PPP2R5E: variants seen among roughly 807,000 people sequenced by gnomAD.
PPP2R5E encodes serine/threonine-protein phosphatase 2A 56 kDa regulatory subunit epsilon isoform.
Under a neutral mutation model 65.3 loss-of-function variants are expected in PPP2R5E, and 4 were observed. That is an observed-to-expected ratio of 0.06 (90% CI 0.03 to 0.14). PPP2R5E has a LOEUF of 0.14. PPP2R5E is among the 10% of genes least tolerant of loss of function. The probability of loss-of-function intolerance (pLI) is 1.00; values close to 1 mark genes in which losing one functional copy is unlikely to be tolerated. For missense variants in PPP2R5E, 274 were observed against 556.1 expected (o/e 0.49, Z 5.10); for synonymous variants, 183 against 187.4 (o/e 0.98, Z 0.19).
chr14:63,490,693 G>A (rs940140464), intron 2 of PPP2R5E, among the ~76,000 whole-genome samples: 3 of 152,026 alleles, frequency 2.0e-5, no homozygotes, highest in Middle Eastern at 3.4e-3. Flanking sequence ...AGATACCATC[G>A]CACACCAGTC....
chr14:63,408,854 G>A (rs949909318), intron 5 of PPP2R5E, among the ~76,000 whole-genome samples: 1 of 152,176 alleles, frequency 6.6e-6, no homozygotes, highest in Non-Finnish European at 1.5e-5. Context: ...CAGCACTTTG[G>A]GAGGCCAAGG....
At chr14:63,514,296 A>G (rs1457718107) in intron 2 of PPP2R5E, among the ~76,000 whole-genome samples, 1 of 152,180 alleles carries the variant, frequency 6.6e-6, no homozygotes, top group Non-Finnish European at 1.5e-5. Context: ...TCACAACTGA[A>G]AAGATTGATA....
At chr14:63,524,539 C>T (rs751173295) in intron 2 of PPP2R5E, among the ~76,000 whole-genome samples, 1 of 152,178 alleles carries the variant, frequency 6.6e-6, no homozygotes, top group Non-Finnish European at 1.5e-5. Context: ...TAGACTTGAA[C>T]CCAGACCCTT....
chr14:63,404,937 C>CACTACAAA (rs1885980539), intron 5 of PPP2R5E, among the ~76,000 whole-genome samples: 1 of 152,138 alleles, frequency 6.6e-6, no homozygotes, highest in South Asian at 2.1e-4. Flanking sequence ...TTTGTGGGGC[C>CACTACAAA]TAGTGCAAAA....
intron 12 of PPP2R5E, among the ~76,000 whole-genome samples, chr14:63,382,653 G>A (rs918735086): frequency 6.6e-6 from 1 of 151,704 alleles, no homozygotes; most frequent in South Asian, 2.1e-4. Flanking sequence ...TGCCTGCCTC[G>A]GCCTCCCAAA....
chr14:63,440,669 T>C (rs371562528), intron 3 of PPP2R5E, among the ~76,000 whole-genome samples: 2 of 151,612 alleles, frequency 1.3e-5, no homozygotes, highest in African/African-American at 2.4e-5. Context: ...CCGGGTGCAG[T>C]GGCTCACGCC....
rs1164271601 is a variant in PPP2R5E at position 63,422,172 on chromosome 14, AG to A, written c.355-79del. 8.9e-6 allele frequency: 10 copies of A among 1,120,424 alleles called. No individual in the cohort carries two copies. In the Admixed American group the frequency reaches 1.2e-4, roughly 14 times the overall value. 69.4% of individuals were successfully genotyped at this position (1,120,424 alleles called of 1,614,324 possible). A position where few individuals can be genotyped will look rare whatever the true frequency, so the allele number is the denominator to read the frequency against. ...ACACAAGGTCCTTGGAGCCAAGCTGAGGGGAACCCAGATAACAATGCACAAG... is the reference window on the plus strand; with the variant it reads ...ACACAAGGTCCTTGGAGCCAAGCTGAGGGAACCCAGATAACAATGCACAAG... On this transcript the variant is annotated intron_variant, in intron 3 of 13. Transcript: ENST00000337537.
intron 2 of PPP2R5E, among the ~76,000 whole-genome samples, chr14:63,521,646 G>A (rs1346117235): frequency 6.6e-6 from 1 of 152,188 alleles, no homozygotes; most frequent in African/African-American, 2.4e-5. Flanking sequence ...CTGGTGAATA[G>A]AGCAAGACTC....
At chr14:63,418,411 C>T (rs1267701101) in intron 4 of PPP2R5E, among the ~76,000 whole-genome samples, 1 of 152,196 alleles carries the variant, frequency 6.6e-6, no homozygotes, top group African/African-American at 2.4e-5. Context: ...ACACTTCAGA[C>T]ATATTTATTA....
chr14:63,422,247 G>T (rs1438390322), intron 3 of PPP2R5E, among the ~76,000 whole-genome samples, 153 bp from the exon 4 acceptor site: 2 of 152,138 alleles, frequency 1.3e-5, no homozygotes, highest in Admixed American at 1.3e-4. Flanking sequence ...GCTCTGAGGT[G>T]GGGACCACCT....
intron 2 of PPP2R5E, among the ~76,000 whole-genome samples, chr14:63,475,798 C>CATA (rs1890384336): frequency 2.6e-5 from 4 of 151,956 alleles, no homozygotes; most frequent in Admixed American, 1.3e-4. Flanking sequence ...TTTTAAATAG[C>CATA]ATGCATTCAT....
At chr14:63,476,985 C>T (rs1890443665) in intron 2 of PPP2R5E, among the ~76,000 whole-genome samples, 1 of 152,022 alleles carries the variant, frequency 6.6e-6, no homozygotes, top group Admixed American at 6.6e-5. Context: ...AAATATGAAT[C>T]CAATACATCT....
intron 2 of PPP2R5E, among the ~76,000 whole-genome samples, chr14:63,500,493 T>C (rs1021040995): frequency 2.0e-5 from 3 of 152,186 alleles, no homozygotes; most frequent in African/African-American, 7.2e-5. Flanking sequence ...ATATGAATAA[T>C]TGTTACATAC....
chr14:63,437,445 G>A (rs553882634), intron 3 of PPP2R5E, among the ~76,000 whole-genome samples: 3 of 152,146 alleles, frequency 2.0e-5, no homozygotes, highest in East Asian at 1.9e-4. Context: ...ACCCCTTTCC[G>A]GTAACACAAC....
intron 2 of PPP2R5E, among the ~76,000 whole-genome samples, chr14:63,466,835 C>G (rs1889835962): frequency 6.6e-6 from 1 of 152,114 alleles, no homozygotes; most frequent in Admixed American, 6.5e-5. Flanking sequence ...GAGTATATGA[C>G]TCCAAAATCA....
intron 2 of PPP2R5E, among the ~76,000 whole-genome samples, chr14:63,478,811 G>A (rs1469727280): frequency 1.3e-5 from 2 of 152,008 alleles, no homozygotes; most frequent in Non-Finnish European, 2.9e-5. Flanking sequence ...TTCTCTAGAT[G>A]CCAATCTCCT....
At chr14:63,412,651 C>A (rs1474606480) in intron 5 of PPP2R5E, among the ~76,000 whole-genome samples, 1 of 152,194 alleles carries the variant, frequency 6.6e-6, no homozygotes, top group Non-Finnish European at 1.5e-5. Flanking sequence ...TGGGCTAGTT[C>A]ATTCTGTACA....
At chr14:63,476,061 TTCTA>T (rs1256541158) in intron 2 of PPP2R5E, among the ~76,000 whole-genome samples, 4 of 152,174 alleles carry the variant, frequency 2.6e-5, no homozygotes, top group South Asian at 4.1e-4. Flanking sequence ...TACTTAAATC[TTCTA>T]TCTGTCATTG....
At chr14:63,445,091 T>C (rs1425608733) in intron 3 of PPP2R5E, among the ~76,000 whole-genome samples, 1 of 152,202 alleles carries the variant, frequency 6.6e-6, no homozygotes, top group Non-Finnish European at 1.5e-5. Flanking sequence ...AACTGAGGCT[T>C]AGAGAGAAAA....
Sources: gnomAD v4.1 joint callset for allele counts (sites outside exome capture counted in the v4.1 genomes callset) on GRCh38, gnomAD v4.1.1 for gene constraint, MANE v1.5 for transcripts, NCBI Gene and HGNC (gene_info 2026-07-23, HGNC 2026-07-21) for gene names.